The following TRAPPC9 variants were observed in gnomAD, a reference collection of about 807,000 sequenced individuals.
The protein encoded by TRAPPC9 is IKK2 binding protein.
In TRAPPC9, 83 loss-of-function variants were observed where a neutral mutation model predicts 124.0. That is an observed-to-expected ratio of 0.67 (90% CI 0.56 to 0.80). TRAPPC9 has a LOEUF of 0.80. Among genes scored for constraint, TRAPPC9 ranks in the 30% least tolerant of loss-of-function variants. The probability of loss-of-function intolerance (pLI) is 0.00; values close to 1 mark genes in which losing one functional copy is unlikely to be tolerated. For synonymous variants in TRAPPC9, 638 were observed against 617.5 expected, an observed-to-expected ratio of 1.03 and a Z score of -0.49; for missense variants, 1,302 against 1,508.3, an observed-to-expected ratio of 0.86 and a Z score of 2.27.
At chr8:140,449,788 T>G (rs944047773) in intron 2 of TRAPPC9, among the ~76,000 whole-genome samples, 1 of 152,218 alleles carries the variant, frequency 6.6e-6, no homozygotes, top group Non-Finnish European at 1.5e-5. Flanking sequence ...TGGGCTCTAC[T>G]TCTAGCTCAG....
At chr8:140,447,072 C>T (rs1033977430) in intron 2 of TRAPPC9, among the ~76,000 whole-genome samples, 3 of 152,158 alleles carry the variant, frequency 2.0e-5, no homozygotes, top group Admixed American at 6.6e-5. Context: ...TCAAGCATGG[C>T]GCTGCAGCCT....
intron 17 of TRAPPC9, among the ~76,000 whole-genome samples, chr8:140,049,672 AC>A (rs887867148): frequency 6.6e-6 from 1 of 151,898 alleles, no homozygotes; most frequent in African/African-American, 2.4e-5. Flanking sequence ...GGTCACAGGG[AC>A]CCCCTGTCCA....
At chr8:140,114,289 C>G (rs552224179) in intron 17 of TRAPPC9, among the ~76,000 whole-genome samples, 26 of 131,508 alleles carry the variant, frequency 2.0e-4, no homozygotes, top group African/African-American at 7.3e-4. Flanking sequence ...ATGAATGTCT[C>G]TATGTGCCTA....
intron 9 of TRAPPC9, among the ~76,000 whole-genome samples, chr8:140,345,480 C>T (rs1385896036): frequency 6.6e-6 from 1 of 152,172 alleles, no homozygotes; most frequent in Non-Finnish European, 1.5e-5. Context: ...GAAAAACCAG[C>T]ATGCATTTGA....
chr8:140,075,488 T>C (rs114636194), intron 17 of TRAPPC9, among the ~76,000 whole-genome samples: 3,324 of 152,264 alleles, frequency 0.022, 132 homozygotes, highest in African/African-American at 0.076. Flanking sequence ...ATCGCCACCA[T>C]GTGGGATGCA....
At chr8:140,148,376 C>T (rs538725784) in intron 17 of TRAPPC9, among the ~76,000 whole-genome samples, 2 of 152,352 alleles carry the variant, frequency 1.3e-5, no homozygotes, top group East Asian at 3.9e-4. Context: ...AGCTTAGTTA[C>T]ACTAAACTCT....
At chr8:139,735,772 C>T (rs998899669) in intron 21 of TRAPPC9, among the ~76,000 whole-genome samples, 4 of 151,870 alleles carry the variant, frequency 2.6e-5, no homozygotes, top group African/African-American at 9.7e-5. Context: ...GCCTGTTTAA[C>T]CCTTCCTAGC....
At chr8:140,002,992 A>G (rs1182420813) in intron 18 of TRAPPC9, among the ~76,000 whole-genome samples, 1 of 151,984 alleles carries the variant, frequency 6.6e-6, no homozygotes, top group Non-Finnish European at 1.5e-5. Context: ...CAAAAGTAGG[A>G]TCCAAAAAAG....
At chr8:140,408,795 C>T (rs2069588186) in intron 5 of TRAPPC9, among the ~76,000 whole-genome samples, 1 of 127,796 alleles carries the variant, frequency 7.8e-6, no homozygotes, top group East Asian at 4.1e-4. Flanking sequence ...ACCTGAGTGG[C>T]CATTTGGAAA....
chr8:140,439,861 AT>A (rs60604899), intron 2 of TRAPPC9, among the ~76,000 whole-genome samples: 69,482 of 151,328 alleles, frequency 0.46, 16,681 homozygotes, highest in Middle Eastern at 0.58. Context: ...AAGATAGATG[AT>A]TTTTTTTTTA....
At chr8:140,406,851 T>A (rs918265276) in intron 5 of TRAPPC9, among the ~76,000 whole-genome samples, 1 of 152,126 alleles carries the variant, frequency 6.6e-6, no homozygotes, top group Non-Finnish European at 1.5e-5. Context: ...GAACTATAAA[T>A]GATAATAGAA....
At chr8:140,145,576 T>C (rs1349167360) in intron 17 of TRAPPC9, among the ~76,000 whole-genome samples, 1 of 152,232 alleles carries the variant, frequency 6.6e-6, no homozygotes, top group African/African-American at 2.4e-5. Context: ...TATGTAACAC[T>C]GGGAAATGTT....
intron 7 of TRAPPC9, among the ~76,000 whole-genome samples, chr8:140,390,276 G>C (rs1354100507): frequency 6.6e-6 from 1 of 152,134 alleles, no homozygotes; most frequent in Non-Finnish European, 1.5e-5. Context: ...CTGCACTCCA[G>C]TCTAGGGAAG....
At chr8:140,195,663 C>T (rs1419545900) in intron 17 of TRAPPC9, among the ~76,000 whole-genome samples, 2 of 151,908 alleles carry the variant, frequency 1.3e-5, no homozygotes, top group African/African-American at 2.4e-5. Flanking sequence ...CAATGATCCA[C>T]TACACAGCTC....
chr8:139,857,050 G>T (rs1315769509), intron 21 of TRAPPC9, among the ~76,000 whole-genome samples: 1 of 93,292 alleles, frequency 1.1e-5, no homozygotes, highest in Non-Finnish European at 2.0e-5. Flanking sequence ...AATCTGGGCG[G>T]GGGGAGCTGG....
intron 17 of TRAPPC9, among the ~76,000 whole-genome samples, chr8:140,156,491 T>C (rs1194209097): frequency 2.0e-5 from 3 of 152,258 alleles, no homozygotes; most frequent in Non-Finnish European, 4.4e-5. Context: ...TATTTTTTAA[T>C]TACATATTTA....
At chr8:139,940,344 G>A (rs1273451729) in intron 19 of TRAPPC9, among the ~76,000 whole-genome samples, 1 of 152,188 alleles carries the variant, frequency 6.6e-6, no homozygotes, top group Admixed American at 6.5e-5. Context: ...TGTGTTAATT[G>A]GGGAGTTTTT....
chr8:139,787,791 C>A (rs1174866648), intron 21 of TRAPPC9, among the ~76,000 whole-genome samples: 4 of 152,200 alleles, frequency 2.6e-5, no homozygotes, highest in Non-Finnish European at 4.4e-5. Flanking sequence ...TGGGTGCTCA[C>A]CAGACCCCAC....
At chr8:139,903,199 G>A (rs1831129170) in intron 20 of TRAPPC9, among the ~76,000 whole-genome samples, 1 of 152,144 alleles carries the variant, frequency 6.6e-6, no homozygotes, top group African/African-American at 2.4e-5. Context: ...TTTGTCCTCC[G>A]CATTTCACAG....
Sources: gnomAD v4.1 joint callset for allele counts (sites outside exome capture counted in the v4.1 genomes callset) on GRCh38, gnomAD v4.1.1 for gene constraint, MANE v1.5 for transcripts, NCBI Gene and HGNC (gene_info 2026-07-23, HGNC 2026-07-21) for gene names.